Variants in MYO3A observed in about 807,000 individuals in gnomAD.
MYO3A encodes myosin-IIIa.
In MYO3A, 180 loss-of-function variants were observed where a neutral mutation model predicts 192.7. That is an observed-to-expected ratio of 0.93 (90% CI 0.83 to 1.06). MYO3A has a LOEUF of 1.06. Among genes scored for constraint, MYO3A ranks in the 50% least tolerant of loss-of-function variants. The pLI, the probability that MYO3A is intolerant of heterozygous loss-of-function variation, is 0.00. For missense variants in MYO3A, 1,896 were observed against 1,905.0 expected (o/e 1.00, Z 0.09); for synonymous variants, 628 against 645.3 (o/e 0.97, Z 0.41).
chr10:26,113,121 T>A (rs921562813), intron 17 of MYO3A, among the ~76,000 whole-genome samples: 1 of 152,202 alleles, frequency 6.6e-6, no homozygotes, highest in African/African-American at 2.4e-5. Flanking sequence ...AAATTAAATA[T>A]TTTAAAGCAT....
At chr10:25,957,193 G>A (rs1837607140) in intron 4 of MYO3A, among the ~76,000 whole-genome samples, 1 of 152,120 alleles carries the variant, frequency 6.6e-6, no homozygotes, top group South Asian at 2.1e-4. Context: ...ATTCCCATGT[G>A]TTGTGGAAGG....
chr10:26,006,593 G>C (rs951582066), intron 6 of MYO3A, among the ~76,000 whole-genome samples: 59 of 152,116 alleles, frequency 3.9e-4, no homozygotes, highest in African/African-American at 7.5e-4. Context: ...TCAGAGAATA[G>C]TACAAACACC....
At chr10:26,055,033 A>C (rs1233523353) in intron 10 of MYO3A, among the ~76,000 whole-genome samples, 1 of 152,174 alleles carries the variant, frequency 6.6e-6, no homozygotes, top group African/African-American at 2.4e-5. Context: ...GGTGTGCTGC[A>C]CCAATCAAGC....
At chr10:26,173,558 T>C in intron 29 of MYO3A, 105 bp from the exon 30 acceptor site, 1 of 1,027,222 alleles carries the variant, frequency 9.7e-7, no homozygotes, top group Non-Finnish European at 1.4e-6. Context: ...CTTTCTTTGT[T>C]CCTTTTGCCT....
intron 10 of MYO3A, among the ~76,000 whole-genome samples, chr10:26,030,894 A>G (rs1361489894): frequency 1.3e-5 from 2 of 152,226 alleles, no homozygotes; most frequent in African/African-American, 4.8e-5. Context: ...ACCTGAATAT[A>G]AAACACATCA....
In MYO3A at chr10:25,946,770, C is replaced by T. The variant is rs530370415; in HGVS notation, c.-17-5324C>T. Among the ~76,000 whole-genome samples the T allele has an allele frequency of 6.7e-4, 98 of 146,312 alleles. 1 individual carries two copies. The highest frequency in any genetic ancestry group is 2.2e-3 in the African/African-American group (87 of 39,148). On this transcript the variant is annotated intron_variant, in intron 2 of 34. Coordinates refer to ENST00000642920, the MANE Select transcript of MYO3A (RefSeq NM_017433.5). ...AGCGGGCACCTGTAATCCCGCTACA[C>T]GGGAGGCTGAGGCAGGAGAATGGCG...
At chr10:26,171,233 A>G (rs566703152) in intron 29 of MYO3A, among the ~76,000 whole-genome samples, 1 of 152,294 alleles carries the variant, frequency 6.6e-6, no homozygotes, top group East Asian at 1.9e-4. Flanking sequence ...GTGAAACTTG[A>G]ATTTATCAAA....
At chr10:26,050,574 G>A (rs1843932492) in intron 10 of MYO3A, among the ~76,000 whole-genome samples, 1 of 152,198 alleles carries the variant, frequency 6.6e-6, no homozygotes, top group Non-Finnish European at 1.5e-5. Context: ...GCTAAGCGTG[G>A]AGTGAAGAAA....
At chr10:25,961,234 C>G (rs1006421492) in intron 4 of MYO3A, among the ~76,000 whole-genome samples, 2 of 152,040 alleles carry the variant, frequency 1.3e-5, no homozygotes, top group African/African-American at 4.8e-5. Flanking sequence ...AAATGGCCAA[C>G]AAAATAAGGT....
intron 32 of MYO3A, among the ~76,000 whole-genome samples, chr10:26,194,836 A>G (rs922255022): frequency 2.6e-5 from 4 of 152,058 alleles, no homozygotes; most frequent in Non-Finnish European, 5.9e-5. Flanking sequence ...ATATCAAACT[A>G]CCTCATGTTT....
intron 4 of MYO3A, among the ~76,000 whole-genome samples, chr10:25,965,194 C>T (rs78458683): frequency 0.043 from 6,574 of 152,286 alleles, 181 homozygotes; most frequent in Middle Eastern, 0.068. Flanking sequence ...AAACATTCTA[C>T]ACCTGTCTCT....
intron 29 of MYO3A, among the ~76,000 whole-genome samples, chr10:26,171,562 T>C (rs1384708337): frequency 1.3e-5 from 2 of 152,232 alleles, no homozygotes; most frequent in African/African-American, 4.8e-5. Context: ...GAATGTTTAT[T>C]TGAAGTTTAG....
intron 27 of MYO3A, among the ~76,000 whole-genome samples, chr10:26,167,161 C>T (rs560512306): frequency 7.9e-5 from 12 of 152,160 alleles, no homozygotes; most frequent in Non-Finnish European, 1.2e-4. Context: ...CTATCAGCCA[C>T]ACCACAGAAG....
chr10:26,200,699 T>C (rs1843640365), intron 32 of MYO3A: 1 of 152,240 alleles, frequency 6.6e-6, no homozygotes, highest in African/African-American at 2.4e-5. Context: ...ATACATAAAG[T>C]TCTCAACTAT....
At chr10:26,183,408 A>G (rs1842708636) in intron 31 of MYO3A, among the ~76,000 whole-genome samples, 1 of 152,168 alleles carries the variant, frequency 6.6e-6, no homozygotes, top group Non-Finnish European at 1.5e-5. Context: ...CTATAGTCCC[A>G]GCTACTCAGG....
intron 5 of MYO3A, among the ~76,000 whole-genome samples, chr10:25,996,929 A>C (rs1840483050): frequency 6.6e-6 from 1 of 152,216 alleles, no homozygotes; most frequent in African/African-American, 2.4e-5. Flanking sequence ...ACACATTTGT[A>C]ATACGATATT....
intron 31 of MYO3A, among the ~76,000 whole-genome samples, chr10:26,185,231 G>T (rs1053152739): frequency 6.7e-6 from 1 of 148,694 alleles, no homozygotes; most frequent in African/African-American, 2.5e-5. Flanking sequence ...CAGAAATTCT[G>T]AAAATTCAAT....
intron 4 of MYO3A, among the ~76,000 whole-genome samples, chr10:25,991,604 A>G (rs1372078796): frequency 6.6e-6 from 1 of 152,156 alleles, no homozygotes; most frequent in Non-Finnish European, 1.5e-5. Context: ...TATGTCCTGA[A>G]TGGTAATGCC....
chr10:25,991,724 C>G (rs1840044701), intron 4 of MYO3A, among the ~76,000 whole-genome samples: 3 of 152,160 alleles, frequency 2.0e-5, no homozygotes, highest in Non-Finnish European at 2.9e-5. Context: ...TTTCAGCTTT[C>G]TACATATGAC....
Sources: allele counts gnomAD v4.1 joint callset (sites outside exome capture counted in the v4.1 genomes callset), GRCh38; gene constraint gnomAD v4.1.1; transcripts MANE v1.5; gene names NCBI Gene and HGNC (gene_info 2026-07-23, HGNC 2026-07-21).